Variants in DCAF16 observed in about 807,000 individuals in gnomAD.
DCAF16 encodes DDB1- and CUL4-associated factor 16.
DCAF16 carries 10 observed loss-of-function variants against 17.3 expected under a neutral mutation model. The observed-to-expected ratio is 0.58, with a 90% CI of 0.36 to 0.98. The LOEUF is 0.98. Among genes scored for constraint, DCAF16 ranks in the 50% least tolerant of loss-of-function variants. The pLI, the probability that DCAF16 is intolerant of heterozygous loss-of-function variation, is 0.01. For synonymous variants in DCAF16, 111 were observed against 92.8 expected (o/e 1.20, Z -1.12); for missense variants, 249 against 247.6 (o/e 1.01, Z -0.04).
At chr4:17,798,918 T>C (rs972316808), downstream of DCAF16, among the ~76,000 whole-genome samples, 2 of 152,238 alleles carry the variant, frequency 1.3e-5, no homozygotes, top group African/African-American at 2.4e-5. Context: ...GACATAGAAG[T>C]ACTGGTGGTT....
intron 1 of DCAF16, among the ~76,000 whole-genome samples, chr4:17,809,092 G>C (rs1720608146): frequency 6.6e-6 from 1 of 152,138 alleles, no homozygotes; most frequent in Non-Finnish European, 1.5e-5. Flanking sequence ...CAACACAAAT[G>C]TTACCACATT....
At chr4:17,804,950 G>A (rs1720177452) in intron 2 of DCAF16, among the ~76,000 whole-genome samples, 157 bp downstream of exon 2, 1 of 152,172 alleles carries the variant, frequency 6.6e-6, no homozygotes, top group Non-Finnish European at 1.5e-5. Context: ...CAATATTGGG[G>A]AGCAAAGTCT....
intron 1 of DCAF16, among the ~76,000 whole-genome samples, chr4:17,809,987 G>A (rs549849186): frequency 1.3e-5 from 2 of 152,214 alleles, no homozygotes; most frequent in East Asian, 3.9e-4. Flanking sequence ...CTCTGTAGAT[G>A]TCAATTTCTT....
At position 17,803,759 on chromosome 4, in the gene DCAF16, A is replaced by G. The variant is rs369636461; in HGVS notation, c.383T>C (p.Leu128Pro). The G allele has an allele frequency of 3.7e-6, 6 of 1,614,070 alleles. No homozygotes were observed. The highest frequency in any genetic ancestry group is 5.1e-6 in the Non-Finnish European group (6 of 1,180,050). ...SCGVPPFQKP[L>P]TSPSRLSRDH... Reference sequence around the variant, plus strand: ...TCTAGAGAGCCGGCTGGGACTTGTAAGAGGCTTTTGAAAAGGTGGGACTCC... The same window carrying G: ...TCTAGAGAGCCGGCTGGGACTTGTAGGAGGCTTTTGAAAAGGTGGGACTCC... Residue 128 changes from leucine (L) to proline (P), a missense_variant, in exon 3 of 3, where the codon CTT (leucine) becomes CCT (proline). Transcript: ENST00000382247.
chr4:17,808,695 T>C (rs572410872), intron 1 of DCAF16, among the ~76,000 whole-genome samples: 1 of 151,824 alleles, frequency 6.6e-6, no homozygotes, highest in South Asian at 2.1e-4. Context: ...GACAAAATGG[T>C]GTGATGTCTC....
chr4:17,796,838 T>C (rs1406164432), downstream of DCAF16, among the ~76,000 whole-genome samples: 1 of 151,764 alleles, frequency 6.6e-6, no homozygotes, highest in Non-Finnish European at 1.5e-5. Flanking sequence ...AAAACTCTCA[T>C]ATCTGCAATT....
downstream of DCAF16, among the ~76,000 whole-genome samples, chr4:17,797,901 T>A (rs1205883498): frequency 6.6e-6 from 1 of 152,200 alleles, no homozygotes; most frequent in Non-Finnish European, 1.5e-5. Flanking sequence ...AAGGGTAGTA[T>A]CAGGCATAGG....
chr4:17,793,568 A>G, the DCAF16 span, among the ~76,000 whole-genome samples: 1 of 152,210 alleles, frequency 6.6e-6, no homozygotes, highest in Non-Finnish European at 1.5e-5. Context: ...AAAAAAAAGA[A>G]GAAGTACATT....
Position 17,803,560 on chromosome 4 carries a change from G to A in DCAF16, c.582C>T (p.Pro194=). 1 of 1,614,156 alleles carries A rather than the reference G, an allele frequency of 6.2e-7. No individual in the cohort carries two copies. The highest frequency in any genetic ancestry group is 1.7e-5 in the Admixed American group (1 of 60,018). ...KTVKETTRTE[P]INTTYSYTDF... is the part of the protein sequence containing the mutation. The stretch of plus-strand genomic sequence containing the variant: ...CAGTGTAAGAATAAGTAGTGTTGAT[G>A]GGTTCAGTACGAGTTGTTTCCTTAA... Residue 194 remains proline, a synonymous_variant, in exon 3 of 3, where the codon CCC becomes CCT. Coordinates refer to ENST00000382247, the MANE Select transcript of DCAF16 (RefSeq NM_017741.4).
chr4:17,803,524 C>CT lies in DCAF16; in HGVS notation c.617dup (p.Ala207GlyfsTer3). ...ATGCAGTTAGGAGTTTGTTAACTGC[C>CT]TTTTGGAAGTCAGTGTAAGAATAAG... On this transcript the variant is annotated frameshift_variant, in exon 3 of 3. Transcript: ENST00000382247. LOFTEE classifies it high-confidence loss of function. The CT allele has an allele frequency of 6.2e-7, 1 of 1,614,114 alleles. No individual in the cohort carries two copies. The highest frequency in any genetic ancestry group is 8.5e-7 in the Non-Finnish European group (1 of 1,179,992).
At chr4:17,795,833 G>A (rs915610691), downstream of DCAF16, among the ~76,000 whole-genome samples, 1 of 152,142 alleles carries the variant, frequency 6.6e-6, no homozygotes, top group African/African-American at 2.4e-5. Context: ...GTATATGAAG[G>A]AGCAGGCCTT....
At position 17,803,464 on chromosome 4, in the gene DCAF16, A is replaced by C. The variant is rs1346637735; in HGVS notation, c.*27T>G. ...TACCACTTTCTCAATTAGCAACATC[A>C]GAGATATCAGAGCAAATGGTAGATC... On this transcript the variant is annotated 3_prime_UTR_variant, in exon 3 of 3. Coordinates refer to ENST00000382247, the MANE Select transcript of DCAF16 (RefSeq NM_017741.4). 6.9e-6 allele frequency: 11 copies of C among 1,592,744 alleles called. No individual in the cohort carries two copies. The highest frequency in any genetic ancestry group is 2.2e-5 in the South Asian group (2 of 88,968).
At position 17,800,869 on chromosome 4, in the gene DCAF16, A is replaced by C. The variant is rs990590896; in HGVS notation, c.*2622T>G. On this transcript the variant is annotated 3_prime_UTR_variant, in exon 3 of 3. Transcript: ENST00000382247. Reference sequence around the variant, plus strand: ...ACCTCCACTTAAACAAACAAACAAAAAAAAAGGAAACAGTTTCCTGTAACA... The same window carrying C: ...ACCTCCACTTAAACAAACAAACAAACAAAAAGGAAACAGTTTCCTGTAACA... 25 of 152,654 alleles carry C rather than the reference A, an allele frequency of 1.6e-4. No individual in the cohort carries two copies. Among genetic ancestry groups the C allele is most frequent in the South Asian group, 2.1e-4 (1 of 4,820 alleles). 9.5% of individuals were successfully genotyped at this position (152,654 alleles called of 1,614,324 possible).
At chr4:17,797,628 G>T (rs1162853394), downstream of DCAF16, among the ~76,000 whole-genome samples, 2 of 152,224 alleles carry the variant, frequency 1.3e-5, no homozygotes, top group Non-Finnish European at 2.9e-5. Context: ...AGAAATTAGA[G>T]TTCTTCAGGT....
Position 17,803,599 on chromosome 4 carries a change from C to T in DCAF16, c.543G>A (p.Trp181Ter), listed in dbSNP as rs1317700583. 6.2e-7 allele frequency: 1 copy of T among 1,614,196 alleles called. No homozygotes were observed. The highest frequency in any genetic ancestry group is 8.5e-7 in the Non-Finnish European group (1 of 1,180,030). ...TTGTTTCCTTAACTGTTTTAGTCAG[C>T]CAGCCACAGCAACACCCAGAAACAC... Reference protein sequence around the residue: ...NSCVSGCCCGWLTKTVKETTR... With the variant: ...NSCVSGCCCG Residue 181 changes from tryptophan to a stop codon, truncating the protein, a stop_gained, in exon 3 of 3, where the codon TGG becomes TGA. Transcript: ENST00000382247. LOFTEE classifies it high-confidence loss of function.
In DCAF16 at chr4:17,803,194, T is replaced by C; in HGVS notation, c.*297A>G. On this transcript the variant is annotated 3_prime_UTR_variant, in exon 3 of 3. Transcript: ENST00000382247. ...CGTGCACTGCTGCGCCCGGCTAATTTTTTTATTTTTAGTAGAGACAGGGTT... is the reference window on the plus strand; with the variant it reads ...CGTGCACTGCTGCGCCCGGCTAATTCTTTTATTTTTAGTAGAGACAGGGTT... The C allele has an allele frequency of 3.0e-6, 1 of 328,198 alleles. No individual in the cohort carries two copies. Among genetic ancestry groups the C allele is most frequent in the Non-Finnish European group, 5.7e-6 (1 of 174,206 alleles). 20.3% of individuals were successfully genotyped at this position (328,198 alleles called of 1,614,324 possible).
In DCAF16 at chr4:17,806,689, A is replaced by G. The variant is rs181413165; in HGVS notation, c.-749-1464T>C. On this transcript the variant is annotated intron_variant, in intron 1 of 2. Coordinates refer to ENST00000382247, the MANE Select transcript of DCAF16 (RefSeq NM_017741.4). ...TTAAGGAACTCTATAAACAAACCTT[A>G]AAGTTTATATAGAAAGAATAAAATT... is the stretch of plus-strand genomic sequence containing the variant. 2.4e-3 allele frequency among the ~76,000 whole-genome samples: 363 copies of G among 152,334 alleles called. 1 individual carries two copies. The highest frequency in any genetic ancestry group is 7.8e-3 in the African/African-American group (324 of 41,580).
chr4:17,809,362 T>C (rs1043985733), intron 1 of DCAF16: 15 of 152,198 alleles, frequency 9.9e-5, no homozygotes, highest in Non-Finnish European at 1.8e-4. Context: ...CACAGCAATA[T>C]TGATTGAAAA....
chr4:17,798,162 C>T (rs1447388766), downstream of DCAF16, among the ~76,000 whole-genome samples: 7 of 152,218 alleles, frequency 4.6e-5, no homozygotes, highest in South Asian at 6.2e-4. Context: ...TTTCATATCA[C>T]GTGTCAGAAT....
Sources: allele counts gnomAD v4.1 joint callset (sites outside exome capture counted in the v4.1 genomes callset), GRCh38; gene constraint gnomAD v4.1.1; transcripts MANE v1.5; gene names NCBI Gene and HGNC (gene_info 2026-07-23, HGNC 2026-07-21).